The following RBM46 variants were observed in gnomAD, a reference collection of about 807,000 sequenced individuals.
RBM46 encodes RNA binding motif protein 46.
RBM46 carries 12 observed loss-of-function variants against 43.3 expected under a neutral mutation model. The observed-to-expected ratio is 0.28, with a 90% CI of 0.18 to 0.45. The LOEUF is 0.45. RBM46 is among the 20% of genes least tolerant of loss of function. RBM46 has a pLI of 1.00. For synonymous variants in RBM46, 205 were observed against 207.6 expected, an observed-to-expected ratio of 0.99 and a Z score of 0.11; for missense variants, 412 against 639.1, an observed-to-expected ratio of 0.64 and a Z score of 3.83.
chr4:154,784,033 A>G (rs1403746759), intron 1 of RBM46, among the ~76,000 whole-genome samples: 2 of 152,198 alleles, frequency 1.3e-5, no homozygotes, highest in Non-Finnish European at 2.9e-5. Context: ...CCTGGCAACC[A>G]TGGTTTCCAT....
At chr4:154,788,819 G>A (rs950670999) in intron 1 of RBM46, among the ~76,000 whole-genome samples, 1 of 152,142 alleles carries the variant, frequency 6.6e-6, no homozygotes, top group African/African-American at 2.4e-5. Context: ...CCATGAGCAT[G>A]GAATGTTCTT....
intron 4 of RBM46, among the ~76,000 whole-genome samples, chr4:154,800,775 T>C (rs1734596244): frequency 6.6e-6 from 1 of 152,168 alleles, no homozygotes; most frequent in Admixed American, 6.5e-5. Context: ...TGATTATAAT[T>C]GTGAAACTCT....
At chr4:154,795,549 G>A (rs989203470) in intron 1 of RBM46, among the ~76,000 whole-genome samples, 3 of 152,120 alleles carry the variant, frequency 2.0e-5, no homozygotes, top group African/African-American at 7.2e-5. Flanking sequence ...CCAGGCCAGA[G>A]TGCAGTGGTT....
chr4:154,786,129 CA>C (rs2111085770), intron 1 of RBM46, among the ~76,000 whole-genome samples: 1 of 152,328 alleles, frequency 6.6e-6, no homozygotes, highest in African/African-American at 2.4e-5. Context: ...TTTTCTCCCC[CA>C]GGCTGGAATG....
intron 1 of RBM46, 70 bp from the exon 2 acceptor site, chr4:154,796,672 C>A: frequency 1.8e-6 from 2 of 1,087,590 alleles, no homozygotes; most frequent in Non-Finnish European, 2.6e-6. Context: ...TTCTGCAACC[C>A]AAAGAAATGC....
At chr4:154,824,424 A>G (rs1464826668) in intron 4 of RBM46, among the ~76,000 whole-genome samples, 1 of 152,148 alleles carries the variant, frequency 6.6e-6, no homozygotes, top group Admixed American at 6.5e-5. Flanking sequence ...AGCTTTATTC[A>G]TAATAAAACT....
chr4:154,790,006 A>G (rs909896609), intron 1 of RBM46, among the ~76,000 whole-genome samples: 4 of 152,068 alleles, frequency 2.6e-5, no homozygotes, highest in Non-Finnish European at 4.4e-5. Context: ...TATTTCTGTG[A>G]GATCGATGGT....
chr4:154,827,785 T>C, intron 4 of RBM46, 83 bp from the exon 5 acceptor site: 1 of 1,587,550 alleles, frequency 6.3e-7, no homozygotes, highest in Non-Finnish European at 8.6e-7. Context: ...TAAAATGTGA[T>C]TATTGTTTAA....
chr4:154,811,498 A>G (rs960547439), intron 4 of RBM46, among the ~76,000 whole-genome samples: 1 of 152,210 alleles, frequency 6.6e-6, no homozygotes, highest in Non-Finnish European at 1.5e-5. Context: ...ATAGTGAAGA[A>G]TAATTATTCA....
intron 4 of RBM46, chr4:154,820,306 A>T: frequency 8.7e-7 from 1 of 1,145,632 alleles, no homozygotes; most frequent in Non-Finnish European, 1.2e-6. Context: ...TGCACTTCCA[A>T]GATAGGGATA....
At chr4:154,791,009 A>G (rs941664630) in intron 1 of RBM46, among the ~76,000 whole-genome samples, 1 of 152,218 alleles carries the variant, frequency 6.6e-6, no homozygotes, top group African/African-American at 2.4e-5. Flanking sequence ...GGAGTTTTCA[A>G]TTTTGGCCAA....
At chr4:154,802,890 A>G (rs1219168557) in intron 4 of RBM46, among the ~76,000 whole-genome samples, 1 of 152,148 alleles carries the variant, frequency 6.6e-6, no homozygotes, top group Non-Finnish European at 1.5e-5. Flanking sequence ...TTACTATCAT[A>G]TGTGATATAA....
At chr4:154,791,758 G>A (rs945350712) in intron 1 of RBM46, among the ~76,000 whole-genome samples, 3 of 152,208 alleles carry the variant, frequency 2.0e-5, no homozygotes, top group Admixed American at 6.5e-5. Flanking sequence ...CTTCTTTGTG[G>A]CAATATTATA....
rs141931714 is a variant in RBM46, at chr4:154,827,153, T to G, written c.1403-715T>G. ...TGATGCATAAGATGAATGTTTATTG[T>G]GAAACAGTATTTCAAATGTTATTTT... On this transcript the variant is annotated intron_variant, in intron 4 of 4. Transcript: ENST00000281722. 6.8e-5 allele frequency: 63 copies of G among 927,728 alleles called. No individual in the cohort carries two copies. In the East Asian group the frequency reaches 3.4e-3, roughly 50 times the overall value. 57.5% of individuals were successfully genotyped at this position (927,728 alleles called of 1,614,324 possible). A position where few individuals can be genotyped will look rare whatever the true frequency, so the allele number is the denominator to read the frequency against.
chr4:154,795,746 A>AT (rs1307633913), intron 1 of RBM46, among the ~76,000 whole-genome samples: 1 of 152,186 alleles, frequency 6.6e-6, no homozygotes, highest in African/African-American at 2.4e-5. Flanking sequence ...CATTATGGAG[A>AT]TTTTGAGGGC....
chr4:154,796,969 C>A, intron 2 of RBM46, 66 bp downstream of exon 2: 2 of 1,355,120 alleles, frequency 1.5e-6, no homozygotes, highest in South Asian at 1.4e-5. Flanking sequence ...AGATGTGTAT[C>A]CCCACAAGTA....
At chr4:154,796,950 A>T in intron 2 of RBM46, 47 bp downstream of exon 2, 1 of 1,526,930 alleles carries the variant, frequency 6.5e-7, no homozygotes, top group Non-Finnish European at 9.0e-7. Flanking sequence ...TAACCTCGTC[A>T]TGTAGATTAG....
At chr4:154,827,311 C>T (rs1266812428) in intron 4 of RBM46, 1 of 949,126 alleles carries the variant, frequency 1.1e-6, no homozygotes, top group Admixed American at 6.2e-5. Flanking sequence ...TTTATCATAC[C>T]AGTAGGACTT....
At chr4:154,798,319 A>G in intron 3 of RBM46, 41 bp downstream of exon 3, 2 of 1,256,872 alleles carry the variant, frequency 1.6e-6, no homozygotes, top group Non-Finnish European at 1.1e-6. Flanking sequence ...CATTATTACA[A>G]ATATGGAGAG....
Sources: allele counts gnomAD v4.1 joint callset (sites outside exome capture counted in the v4.1 genomes callset), GRCh38; gene constraint gnomAD v4.1.1; transcripts MANE v1.5; gene names NCBI Gene and HGNC (gene_info 2026-07-23, HGNC 2026-07-21).